The following MIDEAS variants were observed in gnomAD, a reference collection of about 807,000 sequenced individuals.
MIDEAS encodes mitotic deacetylase associated SANT domain protein, also known as mitotic deacetylase-associated SANT domain protein.
Under a neutral mutation model 102.7 loss-of-function variants are expected in MIDEAS, and 26 were observed. The observed-to-expected ratio is 0.25, with a 90% CI of 0.19 to 0.35. The LOEUF (loss-of-function observed/expected upper bound fraction) is 0.35. Among genes scored for constraint, MIDEAS ranks in the 10% least tolerant of loss-of-function variants. The pLI is 1.00. For synonymous variants in MIDEAS, 585 were observed against 591.0 expected (o/e 0.99, Z 0.15); for missense variants, 1,231 against 1,435.6 (o/e 0.86, Z 2.30).
chr14:73,726,135 G>A, intron 7 of MIDEAS, 27 bp from the exon 8 acceptor site: 1 of 1,563,648 alleles, frequency 6.4e-7, no homozygotes, highest in Non-Finnish European at 8.7e-7. Context: ...GGAAGGGTCA[G>A]GGCACTGACA....
At chr14:73,777,140 C>G (rs993035650) in intron 1 of MIDEAS, among the ~76,000 whole-genome samples, 2 of 151,972 alleles carry the variant, frequency 1.3e-5, no homozygotes, top group African/African-American at 4.8e-5. Context: ...GCAGGGCCAA[C>G]CACATGCGCA....
At chr14:73,722,171 G>A (rs979042232) in intron 10 of MIDEAS, among the ~76,000 whole-genome samples, 7 of 152,128 alleles carry the variant, frequency 4.6e-5, no homozygotes, top group Non-Finnish European at 7.3e-5. Flanking sequence ...CTAGAATTCA[G>A]TAATACTGGT....
intron 1 of MIDEAS, among the ~76,000 whole-genome samples, chr14:73,775,437 G>T (rs1398940341): frequency 6.6e-6 from 1 of 152,082 alleles, no homozygotes; most frequent in Non-Finnish European, 1.5e-5. Flanking sequence ...ACAAAAGTAG[G>T]CAAGTTCAGT....
chr14:73,749,515 G>GA (rs2053395571), intron 1 of MIDEAS, among the ~76,000 whole-genome samples: 1 of 150,684 alleles, frequency 6.6e-6, no homozygotes, highest in East Asian at 1.9e-4. Context: ...CAGCGTGCAT[G>GA]AAAGACCAAG....
At position 73,738,839 on chromosome 14, in the gene MIDEAS, C is replaced by T. The variant is rs563161244; in HGVS notation, c.1170G>A (p.Leu390=). Residue 390 remains leucine (L), a synonymous_variant, in exon 2 of 13, where the codon CTG becomes CTA. Coordinates refer to ENST00000423556, the MANE Select transcript of MIDEAS (RefSeq NM_001367710.1). ...WPLQQPPPGS[L]GQPHPEALGF... is the part of the protein sequence containing the mutation. ...CCAGAGCTTCAGGATGGGGCTGCCC[C>T]AGGGAGCCAGGTGGCGGCTGCTGCA... 2.6e-5 allele frequency: 41 copies of T among 1,572,190 alleles called. No individual in the cohort carries two copies. Among genetic ancestry groups the T allele is most frequent in the Non-Finnish European group, 3.1e-5 (36 of 1,159,214 alleles).
chr14:73,761,540 A>G (rs1408433457), upstream of MIDEAS, among the ~76,000 whole-genome samples: 1 of 152,226 alleles, frequency 6.6e-6, no homozygotes, highest in African/African-American at 2.4e-5. Flanking sequence ...GGAACACTTA[A>G]AACAATCTTA....
chr14:73,726,272 G>A (rs1385174541), intron 7 of MIDEAS, among the ~76,000 whole-genome samples, 164 bp from the exon 8 acceptor site: 3 of 151,964 alleles, frequency 2.0e-5, no homozygotes, highest in East Asian at 3.9e-4. Context: ...CACAGGGGGT[G>A]GGGCTGCCCA....
intron 1 of MIDEAS, among the ~76,000 whole-genome samples, chr14:73,779,556 TTA>T (rs2053728609): frequency 1.3e-5 from 1 of 75,940 alleles, no homozygotes; most frequent in African/African-American, 4.8e-5. Flanking sequence ...TTTAATTTGT[TTA>T]TTATTATTAT....
chr14:73,758,736 C>A (rs755535451), intron 1 of MIDEAS: 91 of 154,498 alleles, frequency 5.9e-4, no homozygotes, highest in Non-Finnish European at 1.0e-3. Flanking sequence ...ATCTTCTCAC[C>A]AGCTCTCGCT....
At position 73,737,025 on chromosome 14, in the gene MIDEAS, T is replaced by G; in HGVS notation, c.1722A>C (p.Arg574=). 6.2e-7 allele frequency: 1 copy of G among 1,613,558 alleles called. No individual in the cohort carries two copies. Among genetic ancestry groups the G allele is most frequent in the South Asian group, 1.1e-5 (1 of 91,060 alleles). The change falls in exon 3 of 13, where the codon CGA becomes CGC. Residue 574 remains arginine (R), a synonymous_variant. Coordinates refer to ENST00000423556, the MANE Select transcript of MIDEAS (RefSeq NM_001367710.1). The part of the protein sequence containing the change: ...SVIVTRRRST[R]IPGTDAQAQA... ...GAGCTTGAGCATCTGTCCCGGGGAT[T>G]CGGGTGGACCGCCTGCGGGTGACGA...
chr14:73,769,118 G>T (rs2053618878), intron 1 of MIDEAS, among the ~76,000 whole-genome samples: 1 of 152,138 alleles, frequency 6.6e-6, no homozygotes, highest in Non-Finnish European at 1.5e-5. Flanking sequence ...GGTCTCCCTC[G>T]CATCTACCTC....
chr14:73,788,597 C>A (rs2053840722), upstream of MIDEAS, among the ~76,000 whole-genome samples: 1 of 152,162 alleles, frequency 6.6e-6, no homozygotes, highest in South Asian at 2.1e-4. Flanking sequence ...TTTACTAAGA[C>A]ATTAATGGCA....
At chr14:73,781,990 G>A (rs925758696) in intron 1 of MIDEAS, among the ~76,000 whole-genome samples, 6 of 152,140 alleles carry the variant, frequency 3.9e-5, no homozygotes, top group Admixed American at 1.3e-4. Flanking sequence ...CTGGGGTGCG[G>A]AGGTTGCAGT....
intron 1 of MIDEAS, among the ~76,000 whole-genome samples, chr14:73,781,758 T>TAAAAAA (rs2053760247): frequency 1.8e-5 from 1 of 54,838 alleles, no homozygotes; most frequent in African/African-American, 8.5e-5. Context: ...AAAAAAAAAC[T>TAAAAAA]GACTTCAGGC....
chr14:73,726,589 G>A lies in MIDEAS; in HGVS notation c.2409+15C>T, dbSNP rs971130453. ...CCACTGAGGGGCCCTCCCTCTGCTG[G>A]GGTTGCCTTCTCACCAGGATGTCTC... On this transcript the variant is annotated intron_variant, in intron 7 of 12. Coordinates refer to ENST00000423556, the MANE Select transcript of MIDEAS (RefSeq NM_001367710.1). 6.2e-7 allele frequency: 1 copy of A among 1,612,858 alleles called. No homozygotes were observed. The highest frequency in any genetic ancestry group is 1.1e-5 in the South Asian group (1 of 91,020).
intron 1 of MIDEAS, among the ~76,000 whole-genome samples, chr14:73,741,119 C>A (rs1460315522): frequency 6.6e-6 from 1 of 152,206 alleles, no homozygotes; most frequent in Non-Finnish European, 1.5e-5. Context: ...CCTTCCACTG[C>A]CGAAGAGCCC....
At chr14:73,737,597 G>A (rs556968909) in intron 2 of MIDEAS, among the ~76,000 whole-genome samples, 1 of 152,226 alleles carries the variant, frequency 6.6e-6, no homozygotes, top group East Asian at 1.9e-4. Context: ...CTGCACTCCA[G>A]CCTGGGTGAC....
chr14:73,749,370 CAAAAAAA>C (rs66510432), intron 1 of MIDEAS, among the ~76,000 whole-genome samples: 1 of 80,678 alleles, frequency 1.2e-5, no homozygotes, highest in Non-Finnish European at 2.6e-5. Flanking sequence ...CGTGTCTCTA[CAAAAAAA>C]AAAAAAAAAA....
chr14:73,777,274 C>G (rs1196684764), intron 1 of MIDEAS, among the ~76,000 whole-genome samples: 1 of 151,900 alleles, frequency 6.6e-6, no homozygotes, highest in Non-Finnish European at 1.5e-5. Context: ...AGCATCGTCA[C>G]CATGGCTTTG....
Sources: allele counts gnomAD v4.1 joint callset (sites outside exome capture counted in the v4.1 genomes callset), GRCh38; gene constraint gnomAD v4.1.1; transcripts MANE v1.5; gene names NCBI Gene and HGNC (gene_info 2026-07-23, HGNC 2026-07-21).